The following LRRC4C variants were observed in gnomAD, a reference collection of about 807,000 sequenced individuals.
The protein encoded by LRRC4C is leucine-rich repeat-containing protein 4C.
In LRRC4C, 5 loss-of-function variants were observed where a neutral mutation model predicts 33.6. The observed-to-expected ratio is 0.15, with a 90% confidence interval of 0.08 to 0.31. LRRC4C has a LOEUF of 0.31. Among genes scored for constraint, LRRC4C ranks in the 10% least tolerant of loss-of-function variants. The pLI, the probability that LRRC4C is intolerant of heterozygous loss-of-function variation, is 1.00. For missense variants in LRRC4C, 560 were observed against 796.7 expected, an observed-to-expected ratio of 0.70 and a Z score of 3.58; for synonymous variants, 329 against 302.0, an observed-to-expected ratio of 1.09 and a Z score of -0.93.
At chr11:40,500,920 C>G (rs184920036) in intron 3 of LRRC4C, among the ~76,000 whole-genome samples, 13 of 152,228 alleles carry the variant, frequency 8.5e-5, no homozygotes, top group Admixed American at 3.9e-4. Context: ...TCCCTTCCAC[C>G]TATGAGCCTG....
At chr11:40,858,559 G>A (rs1235740113) in intron 2 of LRRC4C, among the ~76,000 whole-genome samples, 2 of 151,738 alleles carry the variant, frequency 1.3e-5, no homozygotes, top group East Asian at 1.9e-4. Flanking sequence ...GCTGGGCATG[G>A]TGTTGCATGC....
At chr11:40,417,280 CTT>C in intron 3 of LRRC4C, among the ~76,000 whole-genome samples, 1 of 152,104 alleles carries the variant, frequency 6.6e-6, no homozygotes, top group Admixed American at 6.6e-5. Context: ...TAAAACTTCT[CTT>C]TTATATCACA....
intron 3 of LRRC4C, among the ~76,000 whole-genome samples, chr11:40,363,930 T>C (rs991539231): frequency 1.9e-4 from 29 of 152,190 alleles, no homozygotes; most frequent in Non-Finnish European, 2.4e-4. Context: ...TGTCTGATTA[T>C]AATATTTTTT....
At chr11:41,039,567 C>T (rs766950033) in intron 1 of LRRC4C, among the ~76,000 whole-genome samples, 65 of 152,136 alleles carry the variant, frequency 4.3e-4, no homozygotes, top group Non-Finnish European at 5.0e-4. Context: ...GGACAGCTTG[C>T]GTGGTCAACA....
intron 1 of LRRC4C, among the ~76,000 whole-genome samples, chr11:41,011,500 A>G (rs191079601): frequency 6.6e-6 from 1 of 152,212 alleles, no homozygotes; most frequent in Non-Finnish European, 1.5e-5. Context: ...TGTTTTTGTT[A>G]TTTGCACTAT....
chr11:40,405,706 AG>A (rs1279589362), intron 3 of LRRC4C, among the ~76,000 whole-genome samples: 1 of 137,694 alleles, frequency 7.3e-6, no homozygotes, highest in Non-Finnish European at 1.6e-5. Flanking sequence ...TTTCTTTTTG[AG>A]GAACTTACAA....
At chr11:40,482,926 A>T (rs1953663793) in intron 3 of LRRC4C, among the ~76,000 whole-genome samples, 1 of 152,244 alleles carries the variant, frequency 6.6e-6, no homozygotes, top group Admixed American at 6.5e-5. Flanking sequence ...GAGGAATGAG[A>T]AATAAGCCAA....
chr11:41,258,690 T>C (rs1948880903), intron 1 of LRRC4C, among the ~76,000 whole-genome samples: 1 of 151,972 alleles, frequency 6.6e-6, no homozygotes, highest in South Asian at 2.1e-4. Context: ...AAAATGTAAT[T>C]GACATAAAAA....
intron 6 of LRRC4C, among the ~76,000 whole-genome samples, chr11:40,122,437 GTGT>G (rs1855894570): frequency 6.6e-6 from 1 of 152,014 alleles, no homozygotes; most frequent in Admixed American, 6.6e-5. Context: ...GCCCCAGTGT[GTGT>G]TGTTCTCCTC....
rs576104665 is a variant in LRRC4C at position 41,092,790 on chromosome 11, T to C, written c.-495-159067A>G. Among the ~76,000 whole-genome samples the C allele has an allele frequency of 5.3e-5, 8 of 152,366 alleles. No individual in the cohort carries two copies. The East Asian group carries it at 1.5e-3, about 29-fold the overall frequency. On this transcript the variant is annotated intron_variant, in intron 1 of 6. Coordinates refer to ENST00000528697, the MANE Select transcript of LRRC4C (RefSeq NM_001258419.2). Reference sequence around the variant, plus strand: ...ACTGAGCATCCAGACTTGCAATTAGTAAAGCAGTGAGTTAGAGTAAACCTT... The same window carrying C: ...ACTGAGCATCCAGACTTGCAATTAGCAAAGCAGTGAGTTAGAGTAAACCTT...
chr11:40,546,100 TCC>T (rs1565492157), intron 3 of LRRC4C, among the ~76,000 whole-genome samples: 1 of 148,472 alleles, frequency 6.7e-6, no homozygotes, highest in Non-Finnish European at 1.5e-5. Context: ...CTTCCTTCCT[TCC>T]TTCCTTCCTT....
At chr11:41,000,134 A>C (rs151295012) in intron 1 of LRRC4C, among the ~76,000 whole-genome samples, 1,558 of 152,292 alleles carry the variant, frequency 0.01, 14 homozygotes, top group Non-Finnish European at 0.015. Context: ...TCATCATCAG[A>C]ATAATTTGGT....
At chr11:41,086,788 AT>A (rs1006901376) in intron 1 of LRRC4C, among the ~76,000 whole-genome samples, 2 of 151,600 alleles carry the variant, frequency 1.3e-5, no homozygotes, top group African/African-American at 4.8e-5. Flanking sequence ...TAAAAGTTTC[AT>A]TTTTTTTCAA....
chr11:41,298,262 A>T (rs1950194704), intron 1 of LRRC4C, among the ~76,000 whole-genome samples: 1 of 152,166 alleles, frequency 6.6e-6, no homozygotes, highest in African/African-American at 2.4e-5. Context: ...CAGACAGAAG[A>T]AAGAGATAAA....
chr11:40,596,316 A>G (rs933817187), intron 3 of LRRC4C, among the ~76,000 whole-genome samples: 1 of 152,142 alleles, frequency 6.6e-6, no homozygotes, highest in Admixed American at 6.6e-5. Flanking sequence ...CTTTTATATT[A>G]TTATGGATAC....
intron 2 of LRRC4C, among the ~76,000 whole-genome samples, chr11:40,743,609 T>C (rs1433540249): frequency 6.6e-6 from 1 of 152,114 alleles, no homozygotes; most frequent in Non-Finnish European, 1.5e-5. Context: ...AATTAAGAAG[T>C]AGACATTTTT....
At chr11:40,912,151 A>G (rs1005812914) in intron 2 of LRRC4C, among the ~76,000 whole-genome samples, 6 of 152,242 alleles carry the variant, frequency 3.9e-5, no homozygotes, top group African/African-American at 1.4e-4. Flanking sequence ...AACTTCCCCA[A>G]TCTAGCAAGG....
intron 3 of LRRC4C, among the ~76,000 whole-genome samples, chr11:40,408,881 C>T (rs1950056919): frequency 6.6e-6 from 1 of 151,894 alleles, no homozygotes; most frequent in African/African-American, 2.4e-5. Context: ...ATTCCAATGA[C>T]ATTTTTCACA....
intron 6 of LRRC4C, among the ~76,000 whole-genome samples, chr11:40,128,343 A>T (rs370031685): frequency 1.9e-4 from 29 of 152,286 alleles, no homozygotes; most frequent in East Asian, 1.4e-3. Context: ...CCTGCAGCCC[A>T]GCACTATTCT....
Sources: gnomAD v4.1 joint callset for allele counts (sites outside exome capture counted in the v4.1 genomes callset) on GRCh38, gnomAD v4.1.1 for gene constraint, MANE v1.5 for transcripts, NCBI Gene and HGNC (gene_info 2026-07-23, HGNC 2026-07-21) for gene names.